Variants in SLC7A13 observed in about 807,000 individuals in gnomAD.
SLC7A13 encodes solute carrier family 7 member 13, also known as X-amino acid transporter 2.
Under a neutral mutation model 32.0 loss-of-function variants are expected in SLC7A13, and 31 were observed. The observed-to-expected ratio is 0.97, with a 90% CI of 0.73 to 1.31. The LOEUF (loss-of-function observed/expected upper bound fraction) is 1.31. Ranked by LOEUF, SLC7A13 falls within the 50% of genes most tolerant of loss-of-function variation. SLC7A13 has a pLI of 0.00. For missense variants in SLC7A13, 633 were observed against 546.9 expected (o/e 1.16, Z -1.57); for synonymous variants, 232 against 206.9 (o/e 1.12, Z -1.04).
chr8:86,219,615 T>C (rs771552422), intron 2 of SLC7A13, among the ~76,000 whole-genome samples: 1 of 152,148 alleles, frequency 6.6e-6, no homozygotes, highest in African/African-American at 2.4e-5. Context: ...TGTATAAACA[T>C]CTATTAGGGT....
intron 3 of SLC7A13, among the ~76,000 whole-genome samples, chr8:86,216,354 C>A (rs1162706471): frequency 1.3e-5 from 2 of 152,192 alleles, no homozygotes; most frequent in African/African-American, 4.8e-5. Context: ...GCATCCTCTG[C>A]AGACCACTAG....
Position 86,214,391 on chromosome 8 carries a change from T to A in SLC7A13, c.*22A>T. 1.3e-6 allele frequency: 2 copies of A among 1,490,590 alleles called. No homozygotes were observed. The highest frequency in any genetic ancestry group is 1.4e-5 in the African/African-American group (1 of 70,932). 92.3% of individuals were successfully genotyped at this position (1,490,590 alleles called of 1,614,324 possible). On this transcript the variant is annotated 3_prime_UTR_variant, in exon 4 of 4. Coordinates refer to ENST00000297524, the MANE Select transcript of SLC7A13 (RefSeq NM_138817.3). ...TATGTTTTTTAGAAGGCCAATTTTT[T>A]AAGAGTTTGCACTTCCGACATCTAT...
chr8:86,215,570 C>T, intron 3 of SLC7A13: 1 of 344,246 alleles, frequency 2.9e-6, no homozygotes, highest in Admixed American at 4.0e-5. Context: ...CCTGTAATCC[C>T]AGCTACTTGG....
Position 86,230,142 on chromosome 8 carries a change from C to T in SLC7A13, c.136G>A (p.Val46Met), listed in dbSNP as rs747813084. 22 of 1,614,052 alleles carry T rather than the reference C, an allele frequency of 1.4e-5. No homozygotes were observed. Among genetic ancestry groups the T allele is most frequent in the African/African-American group, 1.3e-4 (10 of 74,938 alleles). Residue 46 changes from valine (V) to methionine (M), a missense_variant, in exon 1 of 4, where the codon GTG (valine) becomes ATG (methionine). Transcript: ENST00000297524. ...KGVLAYSCMN[V>M]GVSLCVWAGC... Reference sequence around the variant, plus strand: ...GCCCAAACGCACAGGGAGACTCCCACGTTCATGCAAGAGTATGCCAACACA... The same window carrying T: ...GCCCAAACGCACAGGGAGACTCCCATGTTCATGCAAGAGTATGCCAACACA...
intron 3 of SLC7A13, chr8:86,215,695 C>T (rs1449164672): frequency 4.6e-6 from 2 of 438,802 alleles, no homozygotes; most frequent in Non-Finnish European, 9.1e-6. Flanking sequence ...GACTCTGTCT[C>T]AAAAAAAAGA....
intron 2 of SLC7A13, among the ~76,000 whole-genome samples, chr8:86,222,531 A>G (rs921886830): frequency 3.9e-5 from 6 of 152,170 alleles, no homozygotes; most frequent in African/African-American, 1.4e-4. Flanking sequence ...TATTAATTAT[A>G]TGCATCAATT....
At position 86,229,633 on chromosome 8, in the gene SLC7A13, A is replaced by G. The variant is rs1820447655; in HGVS notation, c.645T>C (p.Tyr215=). 6.2e-7 allele frequency: 1 copy of G among 1,614,092 alleles called. No homozygotes were observed. Among genetic ancestry groups the G allele is most frequent in the Non-Finnish European group, 8.5e-7 (1 of 1,180,020 alleles). The stretch of plus-strand genomic sequence containing the variant: ...AGCATGCCCCGCCTGAATATGCAAA[A>G]TATCCTTGGAAGATGGCTTGTATAA... ...SHLIQAIFQG[Y]FAYSGGACFT... is the part of the protein sequence containing the mutation. Residue 215 remains tyrosine (Y), a synonymous_variant, in exon 1 of 4, where the codon TAT becomes TAC. Transcript: ENST00000297524.
chr8:86,215,146 A>G (rs1417663928), intron 3 of SLC7A13, among the ~76,000 whole-genome samples: 2 of 152,162 alleles, frequency 1.3e-5, no homozygotes, highest in Non-Finnish European at 2.9e-5. Flanking sequence ...ATTTTAGCTA[A>G]AACAATTTTC....
At position 86,228,846 on chromosome 8, in the gene SLC7A13, CA is replaced by C. The variant is rs756084961; in HGVS notation, c.685+746del. ...GGGCAACAAGAGGAAAACTCTGTCTCAAAAAAAAAAAAAATCTGAGGAGAGG... is the reference window on the plus strand; with the variant it reads ...GGGCAACAAGAGGAAAACTCTGTCTCAAAAAAAAAAAAATCTGAGGAGAGG... On this transcript the variant is annotated intron_variant, in intron 1 of 3. Transcript: ENST00000297524. 4.9e-3 allele frequency among the ~76,000 whole-genome samples: 681 copies of C among 138,098 alleles called. 3 individuals are homozygous for C. The highest frequency in any genetic ancestry group is 9.1e-3 in the African/African-American group (345 of 37,724). 90.6% of individuals were successfully genotyped at this position (138,098 alleles called of 152,430 possible).
chr8:86,226,209 A>G (rs1004095239), intron 1 of SLC7A13, among the ~76,000 whole-genome samples: 2 of 152,184 alleles, frequency 1.3e-5, no homozygotes, highest in African/African-American at 4.8e-5. Context: ...ATACAATGAA[A>G]CTGGCTCAAA....
intron 3 of SLC7A13, chr8:86,215,673 C>A (rs113985056): frequency 2.2e-6 from 1 of 447,204 alleles, no homozygotes; most frequent in Non-Finnish European, 4.5e-6. Context: ...CCAGCCTGGA[C>A]GACAAGAATG....
chr8:86,226,680 T>A (rs1004199578), intron 1 of SLC7A13, among the ~76,000 whole-genome samples: 2 of 152,146 alleles, frequency 1.3e-5, no homozygotes, highest in Admixed American at 6.6e-5. Context: ...ATCAATCCTA[T>A]GTATTTTGTC....
chr8:86,228,604 C>T lies in SLC7A13; in HGVS notation c.685+989G>A, dbSNP rs376138880. Among the ~76,000 whole-genome samples, 177 of 152,090 alleles carry T rather than the reference C, an allele frequency of 1.2e-3. 1 individual carries two copies. Among genetic ancestry groups the T allele is most frequent in the African/African-American group, 3.8e-3 (156 of 41,494 alleles). On this transcript the variant is annotated intron_variant, in intron 1 of 3. Transcript: ENST00000297524. ...CTCACGCTTGTAATCCCAGCACTTTCGGAGGCAGAGGCGGGTGGCTCACAT... is the reference window on the plus strand; with the variant it reads ...CTCACGCTTGTAATCCCAGCACTTTTGGAGGCAGAGGCGGGTGGCTCACAT...
At position 86,217,787 on chromosome 8, in the gene SLC7A13, C is replaced by T. The variant is rs1820216345; in HGVS notation, c.862G>A (p.Ala288Thr). 3 of 1,605,876 alleles carry T rather than the reference C, an allele frequency of 1.9e-6. No homozygotes were observed. The highest frequency in any genetic ancestry group is 2.5e-6 in the Non-Finnish European group (3 of 1,176,982). ...TWADRAFPSL[A>T]WIMPFAISTS... ...GAAATAGCAAAAGGCATAATCCATG[C>T]TAATGAGGGAAAAGCTCGATCAGCC... The change falls in exon 3 of 4, where the codon GCA becomes ACA. Residue 288 changes from alanine to threonine, a missense_variant. By Grantham distance (58) the Ala-to-Thr change is moderately conservative. Transcript: ENST00000297524.
rs1292079612 is a variant in SLC7A13 at position 86,230,310 on chromosome 8, T to C, written c.-33A>G. 1.3e-6 allele frequency: 2 copies of C among 1,491,908 alleles called. No individual in the cohort carries two copies. Among genetic ancestry groups the C allele is most frequent in the Admixed American group, 2.3e-5 (1 of 43,002 alleles). The allele number at this position is 1,491,908 out of a possible 1,614,324, so 92.4% of individuals were successfully genotyped here. ...GAAGAGTTTTAAAATTCTATATAAATTACAATTTCTAGATTTTCCTGCCTA... is the reference window on the plus strand; with the variant it reads ...GAAGAGTTTTAAAATTCTATATAAACTACAATTTCTAGATTTTCCTGCCTA... On this transcript the variant is annotated 5_prime_UTR_variant, in exon 1 of 4. Coordinates refer to ENST00000297524, the MANE Select transcript of SLC7A13 (RefSeq NM_138817.3).
Position 86,214,436 on chromosome 8 carries a change from G to A in SLC7A13, c.1390C>T (p.Leu464Phe). The change falls in exon 4 of 4, where the codon CTC becomes TTC. Residue 464 changes from leucine to phenylalanine, a missense_variant. Physicochemically the swap from Leu to Phe is conservative, Grantham distance 22. Transcript: ENST00000297524. ...ATCTATTCCTCAGACACATCAGGGA[G>A]GCAAATATTAAATAGTAATTGTAAA... ...CYLQLLFNIC[L>F]PDVSEE 1 of 1,608,320 alleles carries A rather than the reference G, an allele frequency of 6.2e-7. No individual in the cohort carries two copies.
intron 2 of SLC7A13, among the ~76,000 whole-genome samples, chr8:86,220,909 G>A (rs375340543): frequency 1.3e-5 from 2 of 150,544 alleles, no homozygotes; most frequent in Non-Finnish European, 1.5e-5. Flanking sequence ...CACAAGAAGC[G>A]CTTGAACCTG....
At chr8:86,221,266 A>G (rs1389331885) in intron 2 of SLC7A13, among the ~76,000 whole-genome samples, 6 of 152,160 alleles carry the variant, frequency 3.9e-5, no homozygotes, top group Admixed American at 2.0e-4. Flanking sequence ...AGAATGTTCT[A>G]TTATATAGAT....
chr8:86,223,136 G>GAAA, intron 1 of SLC7A13, 33 bp from the exon 2 acceptor site: 1 of 1,521,786 alleles, frequency 6.6e-7, no homozygotes, highest in Non-Finnish European at 8.8e-7. Context: ...ACCATAATTG[G>GAAA]TAAACATTAT....
Sources: gnomAD v4.1 joint callset for allele counts (sites outside exome capture counted in the v4.1 genomes callset) on GRCh38, gnomAD v4.1.1 for gene constraint, MANE v1.5 for transcripts, NCBI Gene and HGNC (gene_info 2026-07-23, HGNC 2026-07-21) for gene names.